The following SIDT1 variants were observed in gnomAD, a reference collection of about 807,000 sequenced individuals.
SIDT1 encodes SID1 transmembrane family member 1.
In SIDT1, 101 loss-of-function variants were observed where a neutral mutation model predicts 107.5. The observed-to-expected ratio is 0.94, with a 90% CI of 0.80 to 1.11. The LOEUF (loss-of-function observed/expected upper bound fraction) is 1.11, where lower values mean the gene tolerates loss of function less well. Ranked by LOEUF, SIDT1 falls within the 50% of genes least tolerant of loss-of-function variation. SIDT1 has a pLI of 0.00. For synonymous variants in SIDT1, 395 were observed against 398.2 expected, an observed-to-expected ratio of 0.99 and a Z score of 0.10; for missense variants, 1,076 against 1,058.2, an observed-to-expected ratio of 1.02 and a Z score of -0.23.
chr3:113,584,167 T>C (rs959597545), intron 7 of SIDT1, among the ~76,000 whole-genome samples: 13 of 152,354 alleles, frequency 8.5e-5, no homozygotes, highest in Middle Eastern at 3.4e-3. Context: ...TGTAACATCA[T>C]TTCCTTGATA....
intron 14 of SIDT1, 60 bp downstream of exon 14, chr3:113,605,036 C>T (rs887941837): frequency 7.0e-5 from 109 of 1,566,560 alleles, no homozygotes; most frequent in Non-Finnish European, 8.7e-5. Flanking sequence ...GGGAGAGTCT[C>T]CACTGTGACT....
intron 1 of SIDT1, among the ~76,000 whole-genome samples, chr3:113,555,688 G>A (rs1940776346): frequency 6.6e-6 from 1 of 152,148 alleles, no homozygotes; most frequent in African/African-American, 2.4e-5. Context: ...TTCTGGAAAA[G>A]TGCTCTGAGT....
At position 113,626,121 on chromosome 3, in the gene SIDT1, G is replaced by A. The variant is rs1186129335; in HGVS notation, c.2327G>A (p.Arg776Gln). 1.1e-5 allele frequency: 18 copies of A among 1,613,738 alleles called. No homozygotes were observed. Among genetic ancestry groups the A allele is most frequent in the Admixed American group, 1.7e-5 (1 of 59,984 alleles). Residue 776 changes from arginine (R) to glutamine (Q), a missense_variant, in exon 24 of 25, where the codon CGG becomes CAG. Transcript: ENST00000264852. ...SSWEGTPAES[R>Q]EKNRECILLD... ...CTCCAGGGAACTCCGGCCGAATCCC[G>A]GGAGAAGAACCGCGAGTGCATTCTG...
intron 3 of SIDT1, among the ~76,000 whole-genome samples, chr3:113,568,634 A>C (rs958888835): frequency 6.6e-5 from 10 of 151,826 alleles, no homozygotes; most frequent in African/African-American, 1.2e-4. Context: ...AAGAAAAAAA[A>C]CAGAAATGTA....
chr3:113,575,689 T>C (rs1246428868), intron 3 of SIDT1, among the ~76,000 whole-genome samples: 1 of 152,240 alleles, frequency 6.6e-6, no homozygotes, highest in East Asian at 1.9e-4. Flanking sequence ...TAAATAGTGC[T>C]CAAATTTTAT....
At chr3:113,590,809 A>C (rs1329179215) in intron 9 of SIDT1, among the ~76,000 whole-genome samples, 1 of 152,240 alleles carries the variant, frequency 6.6e-6, no homozygotes, top group Non-Finnish European at 1.5e-5. Context: ...GAAATAAATT[A>C]AAGGAGACTT....
Position 113,603,995 on chromosome 3 carries a change from C to T in SIDT1, c.1299C>T (p.Asp433=). 6.2e-7 allele frequency: 1 copy of T among 1,611,362 alleles called. No individual in the cohort carries two copies. Among genetic ancestry groups the T allele is most frequent in the Non-Finnish European group, 8.5e-7 (1 of 1,178,570 alleles). ...ACCTGTCAGATTTGTCCAGGAAGGA[C>T]CGGAGAATTGTCAGCAAAAAATATA... ...FLYLSDLSRK[D]RRIVSKKYKI... is the part of the protein sequence containing the mutation. Residue 433 remains aspartate, a synonymous_variant, in exon 13 of 25, where the codon GAC becomes GAT. Coordinates refer to ENST00000264852, the MANE Select transcript of SIDT1 (RefSeq NM_017699.3).
intron 17 of SIDT1, among the ~76,000 whole-genome samples, 185 bp from the exon 18 acceptor site, chr3:113,610,823 C>T (rs1022009485): frequency 6.6e-6 from 1 of 152,104 alleles, no homozygotes; most frequent in African/African-American, 2.4e-5. Flanking sequence ...AAGTGGAGTA[C>T]GTGCGGTCTC....
chr3:113,560,329 C>T (rs1941311426), intron 1 of SIDT1, among the ~76,000 whole-genome samples: 2 of 152,178 alleles, frequency 1.3e-5, no homozygotes, highest in South Asian at 2.1e-4. Flanking sequence ...CAAATTGCTA[C>T]CATCATACTC....
intron 3 of SIDT1, among the ~76,000 whole-genome samples, chr3:113,574,120 A>G (rs565468166): frequency 9.2e-5 from 14 of 152,290 alleles, no homozygotes; most frequent in African/African-American, 2.9e-4. Context: ...AATGGTTGAG[A>G]CTAGAATATA....
intron 14 of SIDT1, 148 bp from the exon 15 acceptor site, chr3:113,606,893 T>A: frequency 1.7e-6 from 1 of 572,334 alleles, no homozygotes. Context: ...AGGTGGCAGA[T>A]AATGGCCCAT....
chr3:113,546,486 T>C (rs1026729252), intron 1 of SIDT1, among the ~76,000 whole-genome samples: 1 of 152,194 alleles, frequency 6.6e-6, no homozygotes, highest in Non-Finnish European at 1.5e-5. Context: ...TTCAGTTCCC[T>C]TTTTTCCCTT....
At chr3:113,551,824 GGTGT>G (rs56860179) in intron 1 of SIDT1, among the ~76,000 whole-genome samples, 10,634 of 147,148 alleles carry the variant, frequency 0.072, 614 homozygotes, top group African/African-American at 0.16. Flanking sequence ...AAGTTTTAGG[GGTGT>G]GTGTGTGTGT....
chr3:113,561,104 G>A (rs1161242931), intron 1 of SIDT1, among the ~76,000 whole-genome samples: 2 of 152,034 alleles, frequency 1.3e-5, no homozygotes, highest in African/African-American at 4.8e-5. Context: ...AAGGTGTCAG[G>A]GCCCATTAAG....
downstream of SIDT1, among the ~76,000 whole-genome samples, chr3:113,633,684 A>T (rs1165646452): frequency 2.0e-5 from 3 of 152,254 alleles, no homozygotes; most frequent in East Asian, 3.8e-4. Flanking sequence ...ACTTAACTTC[A>T]TGAAAAGCAT....
At chr3:113,547,477 C>T (rs1939721648) in intron 1 of SIDT1, among the ~76,000 whole-genome samples, 1 of 152,018 alleles carries the variant, frequency 6.6e-6, no homozygotes, top group Admixed American at 6.6e-5. Context: ...TTCTCGTTCC[C>T]TCATTTTTTG....
chr3:113,624,720 C>T (rs1377565910), intron 23 of SIDT1, among the ~76,000 whole-genome samples: 2 of 152,060 alleles, frequency 1.3e-5, no homozygotes, highest in Non-Finnish European at 2.9e-5. Flanking sequence ...CTCTGGTAAC[C>T]ACCAAACTAT....
At chr3:113,613,580 C>T (rs748904607) in intron 19 of SIDT1, among the ~76,000 whole-genome samples, 1 of 152,212 alleles carries the variant, frequency 6.6e-6, no homozygotes. Flanking sequence ...CCTCCAAATC[C>T]CCCAGTTACT....
At chr3:113,621,472 T>A (rs138305456) in intron 21 of SIDT1, among the ~76,000 whole-genome samples, 8 of 151,648 alleles carry the variant, frequency 5.3e-5, no homozygotes, top group African/African-American at 1.9e-4. Flanking sequence ...ACGAAGTCAG[T>A]TGGAATTCAA....
Sources: allele counts gnomAD v4.1 joint callset (sites outside exome capture counted in the v4.1 genomes callset), GRCh38; gene constraint gnomAD v4.1.1; transcripts MANE v1.5; gene names NCBI Gene and HGNC (gene_info 2026-07-23, HGNC 2026-07-21).